The following SASH1 variants were observed in gnomAD, a reference collection of about 807,000 sequenced individuals.
SASH1 encodes the protein SAM and SH3 domain containing 1.
A neutral mutation model predicts 125.2 loss-of-function variants in SASH1; 44 were observed. The ratio of observed to expected loss-of-function variants is 0.35; its 90% CI spans 0.28 to 0.45. The LOEUF (loss-of-function observed/expected upper bound fraction) is 0.45. Ranked by LOEUF, SASH1 falls within the 20% of genes least tolerant of loss-of-function variation. The pLI, the probability that SASH1 is intolerant of heterozygous loss-of-function variation, is 1.00. For synonymous variants in SASH1, 639 were observed against 649.1 expected (o/e 0.98, Z 0.24); for missense variants, 1,426 against 1,614.5 (o/e 0.88, Z 2.00).
chr6:148,221,162 C>G, the SASH1 span, among the ~76,000 whole-genome samples: 1 of 152,072 alleles, frequency 6.6e-6, no homozygotes, highest in African/African-American at 2.4e-5. Flanking sequence ...TGAAAGAGAT[C>G]AATAAATAGC....
intron 1 of SASH1, among the ~76,000 whole-genome samples, chr6:148,380,997 A>G (rs1783109451): frequency 1.3e-5 from 2 of 152,196 alleles, no homozygotes; most frequent in Admixed American, 1.3e-4. Flanking sequence ...TATTATTTGA[A>G]TTAATGAAAT....
chr6:148,326,018 C>A (rs918602404), intron 1 of SASH1, among the ~76,000 whole-genome samples: 1 of 140,972 alleles, frequency 7.1e-6, no homozygotes, highest in Admixed American at 7.7e-5. Context: ...CTCAGTGATT[C>A]CACATTGCTC....
chr6:148,319,491 A>C (rs866684039), intron 1 of SASH1, among the ~76,000 whole-genome samples: 2 of 152,210 alleles, frequency 1.3e-5, no homozygotes, highest in Admixed American at 6.5e-5. Context: ...ATAAATAAAT[A>C]TGTATAAGAT....
At chr6:148,513,645 G>A in intron 8 of SASH1, 1 of 985,652 alleles carries the variant, frequency 1.0e-6, no homozygotes, top group Non-Finnish European at 1.2e-6. Context: ...GGCTGCTGGG[G>A]AATATGGACT....
intron 1 of SASH1, among the ~76,000 whole-genome samples, chr6:148,389,598 G>A (rs1783614777): frequency 1.3e-5 from 2 of 152,224 alleles, no homozygotes; most frequent in South Asian, 4.1e-4. Context: ...ATTTGTCCCA[G>A]ATGCAATTCT....
chr6:148,460,478 T>C (rs111975979), intron 4 of SASH1, among the ~76,000 whole-genome samples: 1 of 152,210 alleles, frequency 6.6e-6, no homozygotes, highest in Non-Finnish European at 1.5e-5. Context: ...CTGTTTAGAG[T>C]CAACGTCCAC....
intron 1 of SASH1, among the ~76,000 whole-genome samples, chr6:148,273,736 G>T (rs558472195): frequency 7.5e-4 from 114 of 152,342 alleles, no homozygotes; most frequent in Admixed American, 1.9e-3. Flanking sequence ...GGCCTCTCCT[G>T]CCCCTTCTCT....
chr6:148,251,533 G>A, the SASH1 span, among the ~76,000 whole-genome samples: 3 of 152,152 alleles, frequency 2.0e-5, no homozygotes, highest in Admixed American at 1.3e-4. Flanking sequence ...GGAGCATAAT[G>A]ACTCCAAGAA....
intron 2 of SASH1, among the ~76,000 whole-genome samples, chr6:148,391,514 C>A (rs12196375): frequency 0.15 from 22,673 of 151,014 alleles, 1,678 homozygotes; most frequent in South Asian, 0.26. Context: ...CATTTTATTG[C>A]AGCTCATATT....
At chr6:148,545,376 A>G (rs923990553) in intron 18 of SASH1, among the ~76,000 whole-genome samples, 1 of 152,212 alleles carries the variant, frequency 6.6e-6, no homozygotes, top group Non-Finnish European at 1.5e-5. Flanking sequence ...ATGCCTTAGA[A>G]TCAGATCCTC....
At chr6:148,370,736 T>A (rs1782674086) in intron 1 of SASH1, among the ~76,000 whole-genome samples, 1 of 151,882 alleles carries the variant, frequency 6.6e-6, no homozygotes, top group African/African-American at 2.4e-5. Context: ...GGCAGGAGAA[T>A]GAAGTGAACC....
intron 19 of SASH1, among the ~76,000 whole-genome samples, 181 bp downstream of exon 19, chr6:148,546,327 A>G (rs947624536): frequency 1.3e-4 from 20 of 152,226 alleles, no homozygotes; most frequent in Admixed American, 1.3e-3. Context: ...AGAAAGAAAA[A>G]AAAAATGAAA....
the SASH1 span, among the ~76,000 whole-genome samples, chr6:148,224,571 G>A: frequency 3.3e-5 from 5 of 152,096 alleles, no homozygotes. Context: ...ATGTTAGCCA[G>A]GCTGGTCTCA....
At chr6:148,425,660 A>G (rs1348402673) in intron 2 of SASH1, among the ~76,000 whole-genome samples, 3 of 151,086 alleles carry the variant, frequency 2.0e-5, no homozygotes, top group African/African-American at 7.3e-5. Flanking sequence ...ATCTTCACTA[A>G]TACTCTGATT....
At chr6:148,504,332 G>A (rs895421708) in intron 8 of SASH1, among the ~76,000 whole-genome samples, 2 of 152,172 alleles carry the variant, frequency 1.3e-5, no homozygotes, top group Non-Finnish European at 2.9e-5. Context: ...TATCTGAAGA[G>A]TGGAGCACAA....
chr6:148,429,043 G>A (rs1409168325), intron 2 of SASH1, among the ~76,000 whole-genome samples: 2 of 152,082 alleles, frequency 1.3e-5, no homozygotes, highest in African/African-American at 4.8e-5. Context: ...GGCCACTACT[G>A]ATTTTTACCT....
the SASH1 span, among the ~76,000 whole-genome samples, chr6:148,211,392 G>A: frequency 6.0e-5 from 9 of 150,390 alleles, no homozygotes; most frequent in East Asian, 7.7e-4. Flanking sequence ...CCAACATTGT[G>A]AAACCCCATC....
At chr6:148,322,469 T>A (rs1780658683) in intron 1 of SASH1, among the ~76,000 whole-genome samples, 1 of 152,216 alleles carries the variant, frequency 6.6e-6, no homozygotes, top group East Asian at 1.9e-4. Context: ...TTAACCATCT[T>A]CTTGGGCTTC....
upstream of SASH1, chr6:148,342,719 A>G (rs1781369809): frequency 6.6e-6 from 1 of 152,290 alleles, no homozygotes; most frequent in Non-Finnish European, 1.5e-5. Flanking sequence ...GGTTCCCGTC[A>G]CAGGAAGAAA....
Sources: allele counts gnomAD v4.1 joint callset (sites outside exome capture counted in the v4.1 genomes callset), GRCh38; gene constraint gnomAD v4.1.1; transcripts MANE v1.5; gene names NCBI Gene and HGNC (gene_info 2026-07-23, HGNC 2026-07-21).